WBP2: variants seen among roughly 807,000 people sequenced by gnomAD.
WBP2 encodes the protein WW domain-binding protein 2.
In WBP2, 23 loss-of-function variants were observed where a neutral mutation model predicts 33.0. That is an observed-to-expected ratio of 0.70 (90% CI 0.50 to 0.99). The LOEUF (loss-of-function observed/expected upper bound fraction) is 0.99, where lower values mean the gene tolerates loss of function less well. WBP2 is among the 50% of genes least tolerant of loss of function. WBP2 has a pLI of 0.00. For synonymous variants in WBP2, 153 were observed against 133.5 expected (o/e 1.15, Z -1.01); for missense variants, 353 against 358.0 (o/e 0.99, Z 0.11).
chr17:75,850,250 C>T (rs112921256), intron 2 of WBP2, among the ~76,000 whole-genome samples: 25 of 110,824 alleles, frequency 2.3e-4, no homozygotes, highest in Middle Eastern at 4.6e-3. Context: ...CTTTTCTTTT[C>T]TTTTTTTTTT....
rs1455459857 is a variant in WBP2 at position 75,848,795 on chromosome 17, G to C, written c.305-133C>G. On this transcript the variant is annotated intron_variant, in intron 3 of 7. Coordinates refer to ENST00000254806, the MANE Select transcript of WBP2 (RefSeq NM_012478.4). ...GGGGGCTGGGCCTGCACTGTGATGG[G>C]GACTTCCTGGTGCCATGGTTTCCAG... 4 of 745,872 alleles carry C rather than the reference G, an allele frequency of 5.4e-6. No individual in the cohort carries two copies. The East Asian group carries it at 1.1e-4, about 20-fold the overall frequency. The allele number at this position is 745,872 out of a possible 1,614,324, so 46.2% of individuals were successfully genotyped here. A position where few individuals can be genotyped will look rare whatever the true frequency, so the allele number is the denominator to read the frequency against.
At position 75,855,304 on chromosome 17, in the gene WBP2, T is replaced by C. The variant is rs767042498; in HGVS notation, c.-7A>G. Reference sequence around the variant, plus strand: ...GATTCTTGTTGAGCGCCATAGTCTCTCCAACAGGGGTCCCGAGACTCAAAA... The same window carrying C: ...GATTCTTGTTGAGCGCCATAGTCTCCCCAACAGGGGTCCCGAGACTCAAAA... On this transcript the variant is annotated 5_prime_UTR_variant, in exon 1 of 8. Transcript: ENST00000254806. 34 of 1,611,670 alleles carry C rather than the reference T, an allele frequency of 2.1e-5. No individual in the cohort carries two copies. Among genetic ancestry groups the C allele is most frequent in the Non-Finnish European group, 2.8e-5 (33 of 1,179,878 alleles).
At chr17:75,847,373 G>A in intron 6 of WBP2, 114 bp downstream of exon 6, 1 of 1,493,406 alleles carries the variant, frequency 6.7e-7, no homozygotes, top group East Asian at 2.5e-5. Context: ...GTAGTCCAGG[G>A]GTCATCCATC....
intron 3 of WBP2, 124 bp downstream of exon 3, chr17:75,849,480 G>T: frequency 1.6e-6 from 2 of 1,264,666 alleles, no homozygotes; most frequent in Non-Finnish European, 2.2e-6. Context: ...GCAGCCCAGA[G>T]CTGGGAAGAG....
At chr17:75,849,010 AG>A (rs1453528848) in intron 3 of WBP2, 2 of 351,368 alleles carry the variant, frequency 5.7e-6, no homozygotes, top group Non-Finnish European at 1.1e-5. Context: ...GCAGCTTCAC[AG>A]GAACAAGCCC....
At position 75,846,675 on chromosome 17, in the gene WBP2, G is replaced by A. The variant is rs777978881; in HGVS notation, c.*59C>T. 31 of 1,498,776 alleles carry A rather than the reference G, an allele frequency of 2.1e-5. No individual in the cohort carries two copies. Among genetic ancestry groups the A allele is most frequent in the African/African-American group, 1.4e-5 (1 of 71,424 alleles). The allele number at this position is 1,498,776 out of a possible 1,614,324, so 92.8% of individuals were successfully genotyped here. A position where few individuals can be genotyped will look rare whatever the true frequency, so the allele number is the denominator to read the frequency against. ...CCTCCCCTCCCCAAGCCCCAGCACA[G>A]CCCCGATGGGAGGGGTAGGGTAGAG... is the stretch of plus-strand genomic sequence containing the variant. On this transcript the variant is annotated 3_prime_UTR_variant, in exon 8 of 8. Coordinates refer to ENST00000254806, the MANE Select transcript of WBP2 (RefSeq NM_012478.4). This position sits in a 1 kb window ranked among gnomAD's most constrained non-coding sequence, Gnocchi z 4.8.
chr17:75,850,446 C>T (rs1184047273), intron 2 of WBP2, among the ~76,000 whole-genome samples: 1 of 152,052 alleles, frequency 6.6e-6, no homozygotes, highest in African/African-American at 2.4e-5. Flanking sequence ...GGGGTTTCAC[C>T]GTGTTAGCCA....
chr17:75,855,174 A>AC, intron 1 of WBP2, 65 bp downstream of exon 1: 1 of 375,854 alleles, frequency 2.7e-6, no homozygotes, highest in Admixed American at 4.4e-5. Flanking sequence ...ACCACCCACC[A>AC]CCCACCGCCC....
At position 75,848,554 on chromosome 17, in the gene WBP2, T is replaced by C. The variant is rs372830307; in HGVS notation, c.397+16A>G. 3.7e-6 allele frequency: 6 copies of C among 1,612,264 alleles called. No individual in the cohort carries two copies. In the African/African-American group the frequency reaches 6.7e-5, roughly 18 times the overall value. On this transcript the variant is annotated intron_variant, in intron 4 of 7. Transcript: ENST00000254806. The stretch of plus-strand genomic sequence containing the variant: ...TTTAGTGTGTCTTTAGCCCCTAATC[T>C]TCGGAGCCTGGATACCTTGAGATGC...
chr17:75,847,828 G>A lies in WBP2; in HGVS notation c.500C>T (p.Pro167Leu). The part of the protein sequence containing the change: ...PPVANGMYPC[P>L]PGYPYPPPPP... The stretch of plus-strand genomic sequence containing the variant: ...GGGCGGTGGATAGGGGTAGCCAGGA[G>A]GGCAGGGGTACATTCCATTGGCGAC... Residue 167 changes from proline (P) to leucine (L), a missense_variant, in exon 5 of 8, where the codon CCT becomes CTT. Physicochemically the swap from Pro to Leu is moderately conservative, Grantham distance 98. Coordinates refer to ENST00000254806, the MANE Select transcript of WBP2 (RefSeq NM_012478.4). The A allele has an allele frequency of 6.4e-7, 1 of 1,558,766 alleles. No homozygotes were observed. Among genetic ancestry groups the A allele is most frequent in the Non-Finnish European group, 8.7e-7 (1 of 1,150,970 alleles).
At chr17:75,847,461 G>A (rs1201746287) in intron 6 of WBP2, 26 bp downstream of exon 6, 1 of 1,583,252 alleles carries the variant, frequency 6.3e-7, no homozygotes, top group Non-Finnish European at 8.6e-7. Flanking sequence ...GGTCCCGAAG[G>A]GCTGCCAGCA....
upstream of WBP2, among the ~76,000 whole-genome samples, chr17:75,855,908 C>T (rs151051604): frequency 8.8e-3 from 1,335 of 152,362 alleles, 22 homozygotes; most frequent in African/African-American, 0.03. Context: ...GGCGTCGGAT[C>T]ACCCCGCCAT....
chr17:75,849,716 C>G lies in WBP2; in HGVS notation c.192G>C (p.Lys64Asn). 1 of 1,614,136 alleles carries G rather than the reference C, an allele frequency of 6.2e-7. No homozygotes were observed. Among genetic ancestry groups the G allele is most frequent in the African/African-American group, 1.3e-5 (1 of 75,068 alleles). ...GCATCATGAAGGACTGCATGGCATCCTTGCCCTTGGACAGAAAGATGACCT... is the reference window on the plus strand; with the variant it reads ...GCATCATGAAGGACTGCATGGCATCGTTGCCCTTGGACAGAAAGATGACCT... ...PYRVIFLSKG[K>N]DAMQSFMMPF... The change falls in exon 3 of 8, where the codon AAG becomes AAC. Residue 64 changes from lysine to asparagine, a missense_variant. Transcript: ENST00000254806.
At chr17:75,856,435 C>G (rs2065058951), upstream of WBP2, 1 of 152,188 alleles carries the variant, frequency 6.6e-6, no homozygotes, top group Non-Finnish European at 1.5e-5. Flanking sequence ...GGGAGGTCTC[C>G]TATGTGAAGA....
chr17:75,854,639 T>C (rs759238777), intron 1 of WBP2, among the ~76,000 whole-genome samples: 2 of 152,190 alleles, frequency 1.3e-5, no homozygotes, highest in African/African-American at 2.4e-5. Flanking sequence ...CTCAGTTTTT[T>C]ACCGGGAACC....
chr17:75,848,179 C>T, intron 4 of WBP2: 1 of 605,196 alleles, frequency 1.7e-6, no homozygotes, highest in Non-Finnish European at 2.9e-6. Flanking sequence ...TGGACAGAGG[C>T]CGGGAGGGAG....
rs9899283 is a variant in WBP2 at position 75,846,513 on chromosome 17, G to T, written c.*221C>A. 0.019 allele frequency: 11,477 copies of T among 605,306 alleles called. 229 individuals carry two copies. The highest frequency in any genetic ancestry group is 0.12 in the Middle Eastern group (309 of 2,562). 37.5% of individuals were successfully genotyped at this position (605,306 alleles called of 1,614,324 possible). A position where few individuals can be genotyped will look rare whatever the true frequency, so the allele number is the denominator to read the frequency against. Reference sequence around the variant, plus strand: ...GAGCCCCAGACGGTGAGGGAGGTACGCTGGGCAGCACTGTGGGCTCCGGGC... The same window carrying T: ...GAGCCCCAGACGGTGAGGGAGGTACTCTGGGCAGCACTGTGGGCTCCGGGC... On this transcript the variant is annotated 3_prime_UTR_variant, in exon 8 of 8. Transcript: ENST00000254806. This position sits in a 1 kb window ranked among gnomAD's most constrained non-coding sequence, Gnocchi z 4.8.
intron 1 of WBP2, among the ~76,000 whole-genome samples, chr17:75,854,229 G>A (rs1462392457): frequency 3.3e-5 from 5 of 152,068 alleles, no homozygotes; most frequent in Non-Finnish European, 7.4e-5. Context: ...CAGGGCAGCT[G>A]GATGCTGGCC....
intron 6 of WBP2, 33 bp from the exon 7 acceptor site, chr17:75,847,017 A>G: frequency 6.2e-7 from 1 of 1,613,236 alleles, no homozygotes; most frequent in Non-Finnish European, 8.5e-7. Flanking sequence ...TGTCGGTGAC[A>G]AGTTCTCCTC....
Sources: gnomAD v4.1 joint callset for allele counts (sites outside exome capture counted in the v4.1 genomes callset) on GRCh38, gnomAD v4.1.1 for gene constraint, Gnocchi (gnomAD v3.1) non-coding constraint, MANE v1.5 for transcripts, NCBI Gene and HGNC (gene_info 2026-07-23, HGNC 2026-07-21) for gene names.